The following DAP3 variants were observed in gnomAD, a reference collection of about 807,000 sequenced individuals.
DAP3 encodes the protein small ribosomal subunit protein mS29.
In DAP3, 28 loss-of-function variants were observed where a neutral mutation model predicts 51.9. The observed-to-expected ratio is 0.54, with a 90% CI of 0.40 to 0.74. DAP3 has a LOEUF of 0.74. Ranked by LOEUF, DAP3 falls within the 30% of genes least tolerant of loss-of-function variation. The probability of loss-of-function intolerance (pLI) is 0.00; values close to 1 mark genes in which losing one functional copy is unlikely to be tolerated. For synonymous variants in DAP3, 170 were observed against 170.3 expected, an observed-to-expected ratio of 1.00 and a Z score of 0.01; for missense variants, 458 against 483.5, an observed-to-expected ratio of 0.95 and a Z score of 0.49.
At chr1:155,731,462 C>T (rs1014573999) in intron 10 of DAP3, 47 bp downstream of exon 10, 27 of 1,561,952 alleles carry the variant, frequency 1.7e-5, no homozygotes, top group Non-Finnish European at 2.3e-5. Flanking sequence ...AATGTATTAT[C>T]ATTTTAAACA....
intron 7 of DAP3, among the ~76,000 whole-genome samples, chr1:155,728,116 C>T (rs1186730500): frequency 1.3e-5 from 2 of 151,978 alleles, no homozygotes; most frequent in African/African-American, 4.8e-5. Context: ...TCTTAGATAC[C>T]CTGTCTAGAC....
At chr1:155,691,612 T>G (rs1653827658) in intron 1 of DAP3, among the ~76,000 whole-genome samples, 1 of 141,862 alleles carries the variant, frequency 7.0e-6, no homozygotes, top group Non-Finnish European at 1.5e-5. Flanking sequence ...AGAGTGGAAT[T>G]GCAGGTTCAT....
intron 1 of DAP3, among the ~76,000 whole-genome samples, chr1:155,700,082 G>A (rs532850961): frequency 4.4e-4 from 67 of 152,256 alleles, no homozygotes; most frequent in African/African-American, 1.4e-3. Flanking sequence ...GACTATAGGC[G>A]TGCACCACCA....
chr1:155,703,918 C>T (rs538409993), intron 1 of DAP3, among the ~76,000 whole-genome samples: 26 of 152,256 alleles, frequency 1.7e-4, no homozygotes, highest in Admixed American at 1.4e-3. Context: ...GAGGCTAGGG[C>T]AGGAAGATTA....
rs771055482 is a variant in DAP3, at chr1:155,736,112, T to C, written c.994-834T>C. Among the ~76,000 whole-genome samples, 24 of 152,186 alleles carry C rather than the reference T, an allele frequency of 1.6e-4. 1 individual carries two copies. The highest frequency in any genetic ancestry group is 2.9e-4 in the Non-Finnish European group (20 of 68,000). Reference sequence around the variant, plus strand: ...CCTCAGCCTCCCAAAGTGCTGGGATTACAGGCATGAGCCACCGTGCCCGGC... The same window carrying C: ...CCTCAGCCTCCCAAAGTGCTGGGATCACAGGCATGAGCCACCGTGCCCGGC... On this transcript the variant is annotated intron_variant, in intron 11 of 12. Coordinates refer to ENST00000368336, the MANE Select transcript of DAP3 (RefSeq NM_004632.4).
At chr1:155,688,115 G>A (rs1171704654), upstream of DAP3, 8 of 1,611,004 alleles carry the variant, frequency 5.0e-6, no homozygotes, top group African/African-American at 2.7e-5. Flanking sequence ...AAGTGAGGAA[G>A]AGGGGGTGGC....
upstream of DAP3, chr1:155,689,074 T>C: frequency 2.0e-6 from 3 of 1,492,548 alleles, no homozygotes; most frequent in East Asian, 7.3e-5. Context: ...TCCTGCCGGA[T>C]GACCCGACCC....
rs942548073 is a variant in DAP3, at chr1:155,708,238, T to G, written c.-7-1535T>G. Among the ~76,000 whole-genome samples the G allele has an allele frequency of 5.9e-5, 9 of 151,948 alleles. 1 individual carries two copies. ...AATTTTTTGTATTTTTAGTAGAGAT[T>G]GGGTTTCACCATGTTGGCCAGGCTG... is the stretch of plus-strand genomic sequence containing the variant. On this transcript the variant is annotated intron_variant, in intron 1 of 12. Transcript: ENST00000368336.
intron 6 of DAP3, among the ~76,000 whole-genome samples, chr1:155,726,672 AG>A (rs1339696093): frequency 4.6e-5 from 7 of 151,938 alleles, no homozygotes; most frequent in Middle Eastern, 3.4e-3. Flanking sequence ...CTATAATCCC[AG>A]CACTTTGGGA....
At chr1:155,693,688 G>A (rs1323232962) in intron 1 of DAP3, among the ~76,000 whole-genome samples, 3 of 142,064 alleles carry the variant, frequency 2.1e-5, no homozygotes, top group Admixed American at 6.6e-5. Flanking sequence ...CTGGCCGGGA[G>A]TGGTGGCTCA....
chr1:155,725,905 T>C, intron 5 of DAP3, 22 bp from the exon 6 acceptor site: 1 of 1,607,580 alleles, frequency 6.2e-7, no homozygotes, highest in South Asian at 1.1e-5. Context: ...AGTCATGTTT[T>C]CTTTAACAAC....
intron 9 of DAP3, among the ~76,000 whole-genome samples, chr1:155,730,444 C>G (rs1659122617): frequency 6.6e-6 from 1 of 151,686 alleles, no homozygotes; most frequent in African/African-American, 2.4e-5. Context: ...AACCCTGTCC[C>G]TACAAAAAAT....
intron 1 of DAP3, among the ~76,000 whole-genome samples, chr1:155,697,108 G>A (rs1486381073): frequency 3.9e-5 from 6 of 152,162 alleles, no homozygotes; most frequent in African/African-American, 1.4e-4. Context: ...CTATTTCATG[G>A]AACGCCCCCA....
At chr1:155,690,971 G>A (rs1297950821) in intron 1 of DAP3, among the ~76,000 whole-genome samples, 3 of 141,682 alleles carry the variant, frequency 2.1e-5, no homozygotes, top group African/African-American at 3.2e-5. Context: ...GCAGTGGCGC[G>A]ATCTCGGCTC....
intron 1 of DAP3, among the ~76,000 whole-genome samples, chr1:155,695,747 A>G (rs993635086): frequency 3.3e-5 from 5 of 152,188 alleles, no homozygotes; most frequent in African/African-American, 4.8e-5. Flanking sequence ...TAATACTGCA[A>G]TCATTGCCTG....
chr1:155,709,871 T>C, intron 2 of DAP3, 47 bp downstream of exon 2: 3 of 1,570,778 alleles, frequency 1.9e-6, no homozygotes, highest in Non-Finnish European at 2.6e-6. Context: ...GCCTTTAGGT[T>C]CCCAGATTCT....
chr1:155,730,181 G>GTA (rs890773386), intron 9 of DAP3, among the ~76,000 whole-genome samples: 115 of 146,536 alleles, frequency 7.8e-4, no homozygotes, highest in Non-Finnish European at 9.0e-5. Flanking sequence ...GTTCATATAT[G>GTA]TATATATAAT....
At chr1:155,712,599 T>C (rs1167015557) in intron 2 of DAP3, among the ~76,000 whole-genome samples, 4 of 101,418 alleles carry the variant, frequency 3.9e-5, no homozygotes, top group African/African-American at 4.2e-5. Flanking sequence ...GCAACAAGAG[T>C]GAAACTCCGT....
chr1:155,699,281 T>C (rs1362191520), intron 1 of DAP3, among the ~76,000 whole-genome samples: 1 of 152,232 alleles, frequency 6.6e-6, no homozygotes, highest in Non-Finnish European at 1.5e-5. Flanking sequence ...TTTAGTTAGC[T>C]GGTGGGAGTG....
Sources: gnomAD v4.1 joint callset for allele counts (sites outside exome capture counted in the v4.1 genomes callset) on GRCh38, gnomAD v4.1.1 for gene constraint, MANE v1.5 for transcripts, NCBI Gene and HGNC (gene_info 2026-07-23, HGNC 2026-07-21) for gene names.